The following CHERP variants were observed in gnomAD, a reference collection of about 807,000 sequenced individuals.
CHERP encodes the protein ERPROT 213-21.
A neutral mutation model predicts 113.8 loss-of-function variants in CHERP; 8 were observed. The observed-to-expected ratio is 0.07, with a 90% CI of 0.04 to 0.13. The LOEUF is 0.13. Among genes scored for constraint, CHERP ranks in the 10% least tolerant of loss-of-function variants. The pLI is 1.00. For missense variants in CHERP, 884 were observed against 1,298.2 expected (o/e 0.68, Z 4.90); for synonymous variants, 559 against 524.5 (o/e 1.07, Z -0.90).
chr19:16,521,352 G>A (rs925601809), intron 12 of CHERP, 169 bp downstream of exon 12: 1 of 612,244 alleles, frequency 1.6e-6, no homozygotes, highest in Non-Finnish European at 2.8e-6. Context: ...CTTCATTGAG[G>A]GCCACGTGTG....
intron 11 of CHERP, among the ~76,000 whole-genome samples, chr19:16,522,004 C>T (rs2085620135): frequency 6.6e-6 from 1 of 152,238 alleles, no homozygotes; most frequent in Non-Finnish European, 1.5e-5. Context: ...GCAATGCCTA[C>T]CCTGGGCCCC....
chr19:16,542,080 G>A (rs1402930477), intron 1 of CHERP, 37 bp from the exon 2 acceptor site: 3 of 1,586,960 alleles, frequency 1.9e-6, no homozygotes, highest in Non-Finnish European at 2.6e-6. Flanking sequence ...GGGCGTCAGC[G>A]AGGACCGCCC....
In CHERP at chr19:16,532,467, G is replaced by A. The variant is rs2085713034; in HGVS notation, c.674+131C>T. On this transcript the variant is annotated intron_variant, in intron 5 of 16. Coordinates refer to ENST00000546361, the MANE Select transcript of CHERP (RefSeq NM_006387.6). This position sits in a 1 kb window ranked among gnomAD's most constrained non-coding sequence, Gnocchi z 4.4. ...GGCTCACAGAGACCCCCCACCCGGG[G>A]TCCCCGGACAAGTGCCCCCTAGTCT... The A allele has an allele frequency of 2.6e-6, 3 of 1,170,162 alleles. No homozygotes were observed. Among genetic ancestry groups the A allele is most frequent in the Non-Finnish European group, 3.5e-6 (3 of 859,112 alleles). The allele number at this position is 1,170,162 out of a possible 1,614,324, so 72.5% of individuals were successfully genotyped here. A position where few individuals can be genotyped will look rare whatever the true frequency, so the allele number is the denominator to read the frequency against.
intron 10 of CHERP, among the ~76,000 whole-genome samples, chr19:16,524,369 A>G (rs1476647693): frequency 2.6e-5 from 4 of 152,180 alleles, no homozygotes; most frequent in Admixed American, 6.5e-5. Context: ...AGCCTGGGCA[A>G]CATGGTGAAA....
At chr19:16,526,447 A>G (rs919086988) in intron 9 of CHERP, among the ~76,000 whole-genome samples, 1 of 152,176 alleles carries the variant, frequency 6.6e-6, no homozygotes, top group African/African-American at 2.4e-5. Context: ...AGAGCCAGAT[A>G]TTAAATATCA....
In CHERP at chr19:16,535,778, G is replaced by A. The variant is rs1311519092; in HGVS notation, c.200-142C>T. 10 of 743,804 alleles carry A rather than the reference G, an allele frequency of 1.3e-5. No homozygotes were observed. The highest frequency in any genetic ancestry group is 3.6e-5 in the African/African-American group (2 of 55,168). The allele number at this position is 743,804 out of a possible 1,614,324, so 46.1% of individuals were successfully genotyped here. A position where few individuals can be genotyped will look rare whatever the true frequency, so the allele number is the denominator to read the frequency against. On this transcript the variant is annotated intron_variant, in intron 2 of 16. Coordinates refer to ENST00000546361, the MANE Select transcript of CHERP (RefSeq NM_006387.6). The surrounding 1 kb of genome is among the most constrained non-coding windows in gnomAD (Gnocchi z 4.3). Reference sequence around the variant, plus strand: ...GGCCTGTTCATAGCCTCATGCCCACGCAAACCAGCTCCTCCTAGTCTCGGG... The same window carrying A: ...GGCCTGTTCATAGCCTCATGCCCACACAAACCAGCTCCTCCTAGTCTCGGG...
In CHERP at chr19:16,535,563, G is replaced by T; in HGVS notation, c.273C>A (p.Ala91=). Residue 91 remains alanine (A), a synonymous_variant, in exon 3 of 17, where the codon GCC becomes GCA. Coordinates refer to ENST00000546361, the MANE Select transcript of CHERP (RefSeq NM_006387.6). This position sits in a 1 kb window ranked among gnomAD's most constrained non-coding sequence, Gnocchi z 4.3. ...TMPPLPQPPL[A]PAAPIPPAQG... ...GGGCCGGCGGGATGGGCGCGGCGGG[G>T]GCCAGCGGGGGCTGTGGCAGGGGTG... 6.4e-7 allele frequency: 1 copy of T among 1,569,040 alleles called. No homozygotes were observed.
At position 16,530,352 on chromosome 19, in the gene CHERP, C is replaced by T. The variant is rs528113717; in HGVS notation, c.876+233G>A. Among the ~76,000 whole-genome samples the T allele has an allele frequency of 2.3e-4, 35 of 152,228 alleles. No individual in the cohort carries two copies. The highest frequency in any genetic ancestry group is 4.4e-4 in the Non-Finnish European group (30 of 68,040). ...AGAGCAAATGGGCCATGTGCAATGA[C>T]TCCGAAAGGCCGCCTGGTTCTAGTG... On this transcript the variant is annotated intron_variant, in intron 7 of 16. Coordinates refer to ENST00000546361, the MANE Select transcript of CHERP (RefSeq NM_006387.6). The surrounding 1 kb of genome is among the most constrained non-coding windows in gnomAD (Gnocchi z 4.1).
At chr19:16,539,153 T>G (rs1000242684) in intron 2 of CHERP, among the ~76,000 whole-genome samples, 4 of 149,894 alleles carry the variant, frequency 2.7e-5, no homozygotes, top group Admixed American at 1.3e-4. Context: ...ACGGTTTTTT[T>G]TTTTTTTTTT....
intron 11 of CHERP, among the ~76,000 whole-genome samples, chr19:16,522,262 C>G (rs939207301): frequency 6.6e-6 from 1 of 151,570 alleles, no homozygotes; most frequent in African/African-American, 2.4e-5. Flanking sequence ...CCTCCCCAAC[C>G]CCCCCTTTTT....
rs1273703867 is a variant in CHERP, at chr19:16,525,297, G to A, written c.1686C>T (p.Phe562=). Reference sequence around the variant, plus strand: ...AGCGGTGGGGATAGGGCGGCCGCTCGAAGGGGTGCCGTGGCGGGAAGTCGT... The same window carrying A: ...AGCGGTGGGGATAGGGCGGCCGCTCAAAGGGGTGCCGTGGCGGGAAGTCGT... The part of the protein sequence containing the change: ...MQDDFPPRHP[F]ERPPYPHRFD... The change falls in exon 10 of 17, where the codon TTC becomes TTT. Residue 562 remains phenylalanine (F), a synonymous_variant. Coordinates refer to ENST00000546361, the MANE Select transcript of CHERP (RefSeq NM_006387.6). This position sits in a 1 kb window ranked among gnomAD's most constrained non-coding sequence, Gnocchi z 6.5. The A allele has an allele frequency of 4.8e-6, 7 of 1,450,942 alleles. No homozygotes were observed. In the East Asian group the frequency reaches 7.7e-5, roughly 16 times the overall value. 89.9% of individuals were successfully genotyped at this position (1,450,942 alleles called of 1,614,324 possible). A position where few individuals can be genotyped will look rare whatever the true frequency, so the allele number is the denominator to read the frequency against.
chr19:16,519,254 C>T lies in CHERP; in HGVS notation c.2656G>A (p.Val886Met), dbSNP rs749109211. The change falls in exon 17 of 17, where the codon GTG (valine) becomes ATG (methionine). Residue 886 changes from valine (V) to methionine (M), a missense_variant. Coordinates refer to ENST00000546361, the MANE Select transcript of CHERP (RefSeq NM_006387.6). This position sits in a 1 kb window ranked among gnomAD's most constrained non-coding sequence, Gnocchi z 6.0. ...TAGGGGTCATCCAGAGCCACGCCCA[C>T]GCCTTTATACTGGTCCCACTTATCC... ...VRDKWDQYKGVGVALDDPYEN... is the reference protein window; with the variant it reads ...VRDKWDQYKGMGVALDDPYEN... 4 of 1,613,978 alleles carry T rather than the reference C, an allele frequency of 2.5e-6. No homozygotes were observed. The highest frequency in any genetic ancestry group is 2.2e-5 in the East Asian group (1 of 44,892).
chr19:16,520,306 T>C lies in CHERP; in HGVS notation c.2346-41A>G, dbSNP rs2085598749. Reference sequence around the variant, plus strand: ...CCCAAGGGTCAGCAGCAGCCAGGCGTCGTGGGGAGGCCACAGGAAGAGGCC... The same window carrying C: ...CCCAAGGGTCAGCAGCAGCCAGGCGCCGTGGGGAGGCCACAGGAAGAGGCC... On this transcript the variant is annotated intron_variant, in intron 14 of 16. Transcript: ENST00000546361. This position sits in a 1 kb window ranked among gnomAD's most constrained non-coding sequence, Gnocchi z 4.0. The C allele has an allele frequency of 1.2e-6, 2 of 1,610,864 alleles. No homozygotes were observed. The highest frequency in any genetic ancestry group is 1.7e-5 in the Admixed American group (1 of 59,866).
Position 16,523,320 on chromosome 19 carries a change from C to T in CHERP, c.1742-30G>A. 6.3e-7 allele frequency: 1 copy of T among 1,598,254 alleles called. No individual in the cohort carries two copies. The highest frequency in any genetic ancestry group is 8.5e-7 in the Non-Finnish European group (1 of 1,174,006). On this transcript the variant is annotated intron_variant, in intron 10 of 16. Coordinates refer to ENST00000546361, the MANE Select transcript of CHERP (RefSeq NM_006387.6). The surrounding 1 kb of genome is among the most constrained non-coding windows in gnomAD (Gnocchi z 4.0). The stretch of plus-strand genomic sequence containing the variant: ...AAAACAGAGACTTGCCTCAGGACCA[C>T]AGGCCAGTCAGGATCTCCCAGGCGA...
intron 12 of CHERP, 30 bp downstream of exon 12, chr19:16,521,491 C>G: frequency 6.5e-7 from 1 of 1,529,332 alleles, no homozygotes; most frequent in Admixed American, 2.0e-5. Context: ...CAGAGGCCTC[C>G]CGCCCACCCC....
In CHERP at chr19:16,518,472, A is replaced by C. The variant is rs2085569571; in HGVS notation, c.*687T>G. The C allele has an allele frequency of 6.6e-6, 1 of 152,160 alleles. No homozygotes were observed. Among genetic ancestry groups the C allele is most frequent in the Non-Finnish European group, 1.5e-5 (1 of 68,026 alleles). The allele number at this position is 152,160 out of a possible 1,614,324, so 9.4% of individuals were successfully genotyped here. Reference sequence around the variant, plus strand: ...CCAGAAAAAAAATATCAACTTATACAACTAAAATAACTGAACTAAGGGCCA... The same window carrying C: ...CCAGAAAAAAAATATCAACTTATACCACTAAAATAACTGAACTAAGGGCCA... On this transcript the variant is annotated 3_prime_UTR_variant, in exon 17 of 17. Coordinates refer to ENST00000546361, the MANE Select transcript of CHERP (RefSeq NM_006387.6).
chr19:16,523,682 T>C lies in CHERP; in HGVS notation c.1742-392A>G, dbSNP rs1294349063. On this transcript the variant is annotated intron_variant, in intron 10 of 16. Transcript: ENST00000546361. This position sits in a 1 kb window ranked among gnomAD's most constrained non-coding sequence, Gnocchi z 4.0. ...TAAAATGAAGCCATAGTGGCCCGAATCCAACGTGACTGTTGCCGTTATAAT... is the reference window on the plus strand; with the variant it reads ...TAAAATGAAGCCATAGTGGCCCGAACCCAACGTGACTGTTGCCGTTATAAT... 6.6e-6 allele frequency among the ~76,000 whole-genome samples: 1 copy of C among 151,746 alleles called. No homozygotes were observed. The highest frequency in any genetic ancestry group is 2.4e-5 in the African/African-American group (1 of 41,250).
At chr19:16,533,745 C>A (rs1845530704) in intron 3 of CHERP, among the ~76,000 whole-genome samples, 1 of 151,512 alleles carries the variant, frequency 6.6e-6, no homozygotes, top group South Asian at 2.1e-4. Context: ...CTGAGTGACA[C>A]AGCAAGACCT....
chr19:16,531,786 T>C (rs2085706772), intron 5 of CHERP, among the ~76,000 whole-genome samples: 1 of 151,532 alleles, frequency 6.6e-6, no homozygotes, highest in Admixed American at 6.6e-5. Flanking sequence ...GGGACTGAGG[T>C]GGGGAGGCAA....
Sources: allele counts gnomAD v4.1 joint callset (sites outside exome capture counted in the v4.1 genomes callset), GRCh38; gene constraint gnomAD v4.1.1; non-coding constraint Gnocchi (gnomAD v3.1); transcripts MANE v1.5; gene names NCBI Gene and HGNC (gene_info 2026-07-23, HGNC 2026-07-21).